The following CHST11 variants were observed in gnomAD, a reference collection of about 807,000 sequenced individuals.
CHST11 encodes the protein C4S-1.
A neutral mutation model predicts 30.4 loss-of-function variants in CHST11; 9 were observed. That is an observed-to-expected ratio of 0.30 (90% CI 0.18 to 0.52). CHST11 has a LOEUF of 0.52. Ranked by LOEUF, CHST11 falls within the 20% of genes least tolerant of loss-of-function variation. The probability of loss-of-function intolerance (pLI) is 0.97; values close to 1 mark genes in which losing one functional copy is unlikely to be tolerated. For missense variants in CHST11, 348 were observed against 460.6 expected (o/e 0.76, Z 2.24); for synonymous variants, 152 against 187.8 (o/e 0.81, Z 1.56).
intron 1 of CHST11, among the ~76,000 whole-genome samples, chr12:104,547,053 G>A (rs550287668): frequency 1.4e-4 from 21 of 152,254 alleles, no homozygotes; most frequent in Middle Eastern, 6.8e-3. Context: ...TCAGGTCTTC[G>A]ACCACTCTTG....
At chr12:104,573,711 A>C (rs1007322555) in intron 1 of CHST11, among the ~76,000 whole-genome samples, 76 of 152,352 alleles carry the variant, frequency 5.0e-4, no homozygotes, top group Non-Finnish European at 1.0e-3. Context: ...AAATTAATTC[A>C]AGATGGATTA....
At chr12:104,546,041 C>A (rs2038344925) in intron 1 of CHST11, among the ~76,000 whole-genome samples, 1 of 152,180 alleles carries the variant, frequency 6.6e-6, no homozygotes, top group South Asian at 2.1e-4. Context: ...ACAGGCTCCA[C>A]CTTCTAATAC....
At chr12:104,710,993 C>T (rs972978009) in intron 2 of CHST11, among the ~76,000 whole-genome samples, 2 of 152,174 alleles carry the variant, frequency 1.3e-5, no homozygotes, top group Non-Finnish European at 2.9e-5. Flanking sequence ...AGTCCAGGAC[C>T]TCTTTTGGAT....
intron 2 of CHST11, among the ~76,000 whole-genome samples, chr12:104,616,359 G>A (rs563148839): frequency 1.3e-4 from 20 of 152,216 alleles, no homozygotes; most frequent in African/African-American, 4.8e-4. Context: ...ACCTCTCTAG[G>A]TTTTTCCTAC....
rs148822271 is a variant in CHST11 at position 104,631,344 on chromosome 12, C to T, written c.204+29353C>T. Among the ~76,000 whole-genome samples, 44 of 152,288 alleles carry T rather than the reference C, an allele frequency of 2.9e-4. No homozygotes were observed. In the East Asian group the frequency reaches 4.0e-3, roughly 14 times the overall value. ...AATTCAACTCAAGTCATTTTATTGA[C>T]GGTGGTAGCGGACCCTGTTGGTGCT... On this transcript the variant is annotated intron_variant, in intron 2 of 2. Transcript: ENST00000303694.
At chr12:104,667,666 A>G (rs2039653976) in intron 2 of CHST11, among the ~76,000 whole-genome samples, 1 of 152,088 alleles carries the variant, frequency 6.6e-6, no homozygotes. Flanking sequence ...ACCTTAGGGG[A>G]GCTATGAATT....
chr12:104,479,544 A>G (rs1593958261), intron 1 of CHST11, among the ~76,000 whole-genome samples: 1 of 152,238 alleles, frequency 6.6e-6, no homozygotes, highest in East Asian at 1.9e-4. Context: ...TAAGGTTGGG[A>G]GTGAGAGAAA....
rs35612022 is a variant in CHST11 at position 104,457,785 on chromosome 12, G to GTT, written c.118+274_118+275dup. Among the ~76,000 whole-genome samples the GTT allele has an allele frequency of 4.2e-3, 584 of 137,650 alleles. 24 individuals carry two copies. In the East Asian group the frequency reaches 0.069, roughly 16 times the overall value. 90.3% of individuals were successfully genotyped at this position (137,650 alleles called of 152,430 possible). A position where few individuals can be genotyped will look rare whatever the true frequency, so the allele number is the denominator to read the frequency against. ...GAGGATGGGACCAGGAGGGGCGGTA[G>GTT]TTTTTTTTTTTTTTTTTTTCTTCTT... On this transcript the variant is annotated intron_variant, in intron 1 of 2. Transcript: ENST00000303694.
intron 2 of CHST11, among the ~76,000 whole-genome samples, chr12:104,642,082 C>A (rs1164858): frequency 7.9e-5 from 12 of 151,914 alleles, no homozygotes; most frequent in Non-Finnish European, 1.2e-4. Flanking sequence ...TGATCCTGTA[C>A]GTCATTAGTG....
At chr12:104,513,980 C>A in intron 1 of CHST11, 1 of 678,994 alleles carries the variant, frequency 1.5e-6, no homozygotes, top group Non-Finnish European at 2.7e-6. Flanking sequence ...TGGGCGAGTG[C>A]TGTGGGCTTA....
At chr12:104,691,125 C>T (rs575790651) in intron 2 of CHST11, among the ~76,000 whole-genome samples, 26 of 152,216 alleles carry the variant, frequency 1.7e-4, no homozygotes, top group Non-Finnish European at 2.9e-4. Flanking sequence ...CCTCGAAGAA[C>T]AGATGGCCTT....
intron 2 of CHST11, among the ~76,000 whole-genome samples, chr12:104,752,896 C>CCATT (rs143056379): frequency 2.0e-5 from 3 of 152,158 alleles, no homozygotes; most frequent in African/African-American, 4.8e-5. Context: ...GATTATTAAG[C>CCATT]CATTCATTCA....
chr12:104,606,179 G>GC (rs912752780), intron 2 of CHST11, among the ~76,000 whole-genome samples: 3 of 135,376 alleles, frequency 2.2e-5, no homozygotes, highest in South Asian at 2.9e-4. Context: ...GGGGGGCGGG[G>GC]GGGGGAATGG....
rs545107873 is a variant in CHST11 at position 104,693,771 on chromosome 12, A to C, written c.205-63178A>C. Among the ~76,000 whole-genome samples the C allele has an allele frequency of 1.8e-4, 28 of 152,312 alleles. 2 individuals are homozygous for C. The highest frequency in any genetic ancestry group is 6.5e-4 in the African/African-American group (27 of 41,562). ...GTAGGAGTTAGCCAAAGTGAAGTAC[A>C]TAGTGGTGAGAGCTGAGATGGAATG... On this transcript the variant is annotated intron_variant, in intron 2 of 2. Transcript: ENST00000303694.
At chr12:104,710,985 T>C (rs907963546) in intron 2 of CHST11, among the ~76,000 whole-genome samples, 4 of 152,224 alleles carry the variant, frequency 2.6e-5, no homozygotes, top group African/African-American at 9.6e-5. Flanking sequence ...CTGCTTTTAG[T>C]CCAGGACCTC....
In CHST11 at chr12:104,678,508, C is replaced by G. The variant is rs552261781; in HGVS notation, c.204+76517C>G. ...CATGATTTAATTCATTTAGTCTTCT[C>G]AACTAATCCATTTTACAGATGAGGA... On this transcript the variant is annotated intron_variant, in intron 2 of 2. Transcript: ENST00000303694. Among the ~76,000 whole-genome samples, 4 of 152,320 alleles carry G rather than the reference C, an allele frequency of 2.6e-5. No homozygotes were observed. In the South Asian group the frequency reaches 8.3e-4, roughly 32 times the overall value.
chr12:104,619,198 C>T (rs1566010712), intron 2 of CHST11, among the ~76,000 whole-genome samples: 2 of 152,196 alleles, frequency 1.3e-5, no homozygotes, highest in Non-Finnish European at 1.5e-5. Context: ...GCGCCTGTGC[C>T]GGCTACACCT....
At chr12:104,594,204 C>T (rs1362937692) in intron 1 of CHST11, among the ~76,000 whole-genome samples, 3 of 152,144 alleles carry the variant, frequency 2.0e-5, no homozygotes, top group African/African-American at 7.2e-5. Flanking sequence ...TGATCTCCAG[C>T]CCTGCTTTGG....
intron 1 of CHST11, among the ~76,000 whole-genome samples, chr12:104,566,660 G>A (rs541700888): frequency 1.3e-5 from 2 of 152,320 alleles, no homozygotes; most frequent in East Asian, 3.9e-4. Context: ...GAACCCATGA[G>A]TGTGGCCTTT....
Sources: gnomAD v4.1 joint callset for allele counts (sites outside exome capture counted in the v4.1 genomes callset) on GRCh38, gnomAD v4.1.1 for gene constraint, MANE v1.5 for transcripts, NCBI Gene and HGNC (gene_info 2026-07-23, HGNC 2026-07-21) for gene names.